The following YJEFN3 variants were observed in gnomAD, a reference collection of about 807,000 sequenced individuals.
The protein encoded by YJEFN3 is YjeF N-terminal domain containing 3, also known as yjeF N-terminal domain-containing protein 3.
YJEFN3 carries 29 observed loss-of-function variants against 31.5 expected under a neutral mutation model. The observed-to-expected ratio is 0.92, with a 90% CI of 0.69 to 1.26. YJEFN3 has a LOEUF of 1.26. Ranked by LOEUF, YJEFN3 falls within the 50% of genes most tolerant of loss-of-function variation. The pLI is 0.00. For synonymous variants in YJEFN3, 227 were observed against 196.1 expected (o/e 1.16, Z -1.32); for missense variants, 442 against 425.4 (o/e 1.04, Z -0.34).
intron 2 of YJEFN3, among the ~76,000 whole-genome samples, chr19:19,531,718 CTTTTTTTTTTTTTTTT>C (rs56747140): frequency 2.4e-4 from 18 of 75,854 alleles, no homozygotes; most frequent in African/African-American, 6.1e-4. Flanking sequence ...AACAAATAAC[CTTTTTTTTTTTTTTTT>C]TTTTTTTTTT....
chr19:19,537,244 A>G, intron 6 of YJEFN3, 75 bp from the exon 7 acceptor site: 1 of 1,353,708 alleles, frequency 7.4e-7, no homozygotes. Flanking sequence ...GAGAGGAGGC[A>G]GGGACAGGAT....
At chr19:19,533,013 G>C in intron 3 of YJEFN3, 7 of 1,228,386 alleles carry the variant, frequency 5.7e-6, no homozygotes, top group Non-Finnish European at 6.1e-6. Context: ...CTGCACATGT[G>C]ACCCGCCTGC....
intron 3 of YJEFN3, chr19:19,533,331 T>C (rs1409392897): frequency 1.0e-6 from 1 of 985,608 alleles, no homozygotes; most frequent in African/African-American, 1.7e-5. Flanking sequence ...TAAATGGTAC[T>C]GACGAGTCAG....
Position 19,535,660 on chromosome 19 carries a change from G to A in YJEFN3, c.675G>A (p.Val225=). 2 of 1,567,110 alleles carry A rather than the reference G, an allele frequency of 1.3e-6. No homozygotes were observed. The highest frequency in any genetic ancestry group is 1.7e-6 in the Non-Finnish European group (2 of 1,157,412). ...TCAAGCTGCTGTCCATCCCCCTCGTGAGCCTGGACATCCCCTCAGGCATGC... is the reference window on the plus strand; with the variant it reads ...TCAAGCTGCTGTCCATCCCCCTCGTAAGCCTGGACATCCCCTCAGGCATGC... ...ATLKLLSIPL[V]SLDIPSGWDA... is the part of the protein sequence containing the mutation. The change falls in exon 6 of 7, where the codon GTG becomes GTA. Residue 225 remains valine, a synonymous_variant. Transcript: ENST00000514277.
chr19:19,536,515 T>G (rs1352285489), intron 6 of YJEFN3, among the ~76,000 whole-genome samples: 1 of 151,800 alleles, frequency 6.6e-6, no homozygotes, highest in Non-Finnish European at 1.5e-5. Flanking sequence ...ACCCAGTCTC[T>G]ACAAAATACA....
At position 19,534,263 on chromosome 19, in the gene YJEFN3, A is replaced by C. The variant is rs2061185232; in HGVS notation, c.319-771A>C. The C allele has an allele frequency of 4.0e-6, 3 of 758,846 alleles. No homozygotes were observed. The highest frequency in any genetic ancestry group is 4.8e-6 in the Non-Finnish European group (3 of 630,984). The allele number at this position is 758,846 out of a possible 1,614,324, so 47.0% of individuals were successfully genotyped here. A position where few individuals can be genotyped will look rare whatever the true frequency, so the allele number is the denominator to read the frequency against. Reference sequence around the variant, plus strand: ...GCCAGAGACAAATGGAGAGAGAGACAAATGGAGAAAGAGAGCCAGAGACAT... The same window carrying C: ...GCCAGAGACAAATGGAGAGAGAGACCAATGGAGAAAGAGAGCCAGAGACAT... On this transcript the variant is annotated intron_variant, in intron 3 of 6. Coordinates refer to ENST00000514277, the MANE Select transcript of YJEFN3 (RefSeq NM_198537.4). This position sits in a 1 kb window ranked among gnomAD's most constrained non-coding sequence, Gnocchi z 4.6.
intron 2 of YJEFN3, among the ~76,000 whole-genome samples, chr19:19,532,049 ATAATC>A (rs1006386447): frequency 3.4e-5 from 5 of 148,154 alleles, no homozygotes; most frequent in Non-Finnish European, 7.4e-5. Context: ...CTGGCCACAA[ATAATC>A]TAATTATGTC....
chr19:19,533,692 T>C (rs2061180568), intron 3 of YJEFN3: 25 of 985,354 alleles, frequency 2.5e-5, no homozygotes, highest in Non-Finnish European at 2.9e-5. Flanking sequence ...AAAAACTCAA[T>C]GTTTTTCTTC....
At chr19:19,530,499 G>T (rs2061145015) in intron 2 of YJEFN3, among the ~76,000 whole-genome samples, 1 of 151,944 alleles carries the variant, frequency 6.6e-6, no homozygotes, top group Admixed American at 6.5e-5. Flanking sequence ...GTTCCAAGTG[G>T]CTGCTAGAGG....
chr19:19,532,109 C>T (rs1269658337), intron 2 of YJEFN3, among the ~76,000 whole-genome samples: 1 of 152,186 alleles, frequency 6.6e-6, no homozygotes, highest in Non-Finnish European at 1.5e-5. Flanking sequence ...TAGCCCCAGG[C>T]CCCAAGGCCT....
intron 6 of YJEFN3, chr19:19,536,135 G>A (rs941310701): frequency 5.4e-6 from 2 of 372,544 alleles, no homozygotes; most frequent in Admixed American, 4.4e-5. Flanking sequence ...GTGCCACAGA[G>A]CAGGGGCACC....
chr19:19,531,192 G>A (rs1369518872), intron 2 of YJEFN3, among the ~76,000 whole-genome samples: 1 of 152,210 alleles, frequency 6.6e-6, no homozygotes, highest in African/African-American at 2.4e-5. Context: ...CACTCAGAGA[G>A]TTGAAGGAAA....
chr19:19,534,908 C>T lies in YJEFN3; in HGVS notation c.319-126C>T, dbSNP rs948465092. On this transcript the variant is annotated intron_variant, in intron 3 of 6. Coordinates refer to ENST00000514277, the MANE Select transcript of YJEFN3 (RefSeq NM_198537.4). This position sits in a 1 kb window ranked among gnomAD's most constrained non-coding sequence, Gnocchi z 4.6. ...ACCCCTCATCCAGAACAGCTCACCT[C>T]CTGTCCTATCCTGTTGCCTCCAGGC... The T allele has an allele frequency of 4.2e-6, 3 of 709,306 alleles. No homozygotes were observed. Among genetic ancestry groups the T allele is most frequent in the Non-Finnish European group, 6.6e-6 (3 of 454,720 alleles). 43.9% of individuals were successfully genotyped at this position (709,306 alleles called of 1,614,324 possible).
At chr19:19,532,575 C>T (rs2061168210) in intron 2 of YJEFN3, 57 bp from the exon 3 acceptor site, 1 of 1,218,796 alleles carries the variant, frequency 8.2e-7, no homozygotes, top group Admixed American at 2.4e-5. Context: ...ATTTCTGGCT[C>T]CATCTGAGGC....
At chr19:19,529,314 C>A in intron 1 of YJEFN3, 50 bp from the exon 2 acceptor site, 1 of 1,566,480 alleles carries the variant, frequency 6.4e-7, no homozygotes, top group South Asian at 1.2e-5. Flanking sequence ...GCTGGTCGCT[C>A]CCCCACCGAA....
rs2061191298 is a variant in YJEFN3 at position 19,534,764 on chromosome 19, A to G, written c.319-270A>G. On this transcript the variant is annotated intron_variant, in intron 3 of 6. Transcript: ENST00000514277. This position sits in a 1 kb window ranked among gnomAD's most constrained non-coding sequence, Gnocchi z 4.6. Reference sequence around the variant, plus strand: ...TCTGCAACTCAGGCGGAGAATAAACAAACCGCACTCCGGGCGACGGGCAGT... The same window carrying G: ...TCTGCAACTCAGGCGGAGAATAAACGAACCGCACTCCGGGCGACGGGCAGT... 1 of 343,320 alleles carries G rather than the reference A, an allele frequency of 2.9e-6. No individual in the cohort carries two copies. Among genetic ancestry groups the G allele is most frequent in the African/African-American group, 2.1e-5 (1 of 47,514 alleles). 21.3% of individuals were successfully genotyped at this position (343,320 alleles called of 1,614,324 possible).
chr19:19,529,614 C>G lies in YJEFN3; in HGVS notation c.209+101C>G, dbSNP rs2061134372. On this transcript the variant is annotated intron_variant, in intron 2 of 6. Transcript: ENST00000514277. ...GGACCCCAGGCAAGGCTGTTGACCT[C>G]ACTGTGAACCAGATGCGTCCAACAG... is the stretch of plus-strand genomic sequence containing the variant. 2.0e-6 allele frequency: 3 copies of G among 1,493,608 alleles called. No individual in the cohort carries two copies. The Admixed American group carries it at 6.3e-5, about 31-fold the overall frequency. The allele number at this position is 1,493,608 out of a possible 1,614,324, so 92.5% of individuals were successfully genotyped here.
intron 3 of YJEFN3, 96 bp downstream of exon 3, chr19:19,532,836 A>G (rs1568364335): frequency 8.6e-7 from 1 of 1,165,106 alleles, no homozygotes; most frequent in African/African-American, 1.6e-5. Flanking sequence ...ACCCCTCAAG[A>G]ACTCCCTTTT....
chr19:19,529,670 G>A (rs928486839), intron 2 of YJEFN3, among the ~76,000 whole-genome samples, 157 bp downstream of exon 2: 1 of 152,174 alleles, frequency 6.6e-6, no homozygotes, highest in Non-Finnish European at 1.5e-5. Flanking sequence ...AGCAGGGCAC[G>A]TGTCCCCTCA....
Sources: gnomAD v4.1 joint callset for allele counts (sites outside exome capture counted in the v4.1 genomes callset) on GRCh38, gnomAD v4.1.1 for gene constraint, Gnocchi (gnomAD v3.1) non-coding constraint, MANE v1.5 for transcripts, NCBI Gene and HGNC (gene_info 2026-07-23, HGNC 2026-07-21) for gene names.